The following NRXN3 variants were observed in gnomAD, a reference collection of about 807,000 sequenced individuals.
NRXN3 encodes neurexin 3, also known as neurexin III.
A neutral mutation model predicts 137.6 loss-of-function variants in NRXN3; 32 were observed. The observed-to-expected ratio is 0.23, with a 90% CI of 0.18 to 0.31. The LOEUF is 0.31. Among genes scored for constraint, NRXN3 ranks in the 10% least tolerant of loss-of-function variants. NRXN3 has a pLI of 1.00. For synonymous variants in NRXN3, 798 were observed against 784.5 expected, an observed-to-expected ratio of 1.02 and a Z score of -0.29; for missense variants, 1,574 against 2,062.5, an observed-to-expected ratio of 0.76 and a Z score of 4.59.
At chr14:79,837,091 G>A (rs1293633667) in intron 20 of NRXN3, among the ~76,000 whole-genome samples, 6 of 152,202 alleles carry the variant, frequency 3.9e-5, no homozygotes, top group East Asian at 1.9e-4. Flanking sequence ...CAAGCTAGGG[G>A]TGTTGTAAAG....
At chr14:78,582,783 A>G (rs1005430066) in intron 4 of NRXN3, among the ~76,000 whole-genome samples, 3 of 152,232 alleles carry the variant, frequency 2.0e-5, no homozygotes, top group East Asian at 1.9e-4. Context: ...GACTAAGACA[A>G]TAACCCATCC....
chr14:78,722,256 AGCT>A (rs2098463629), intron 8 of NRXN3, among the ~76,000 whole-genome samples: 1 of 152,168 alleles, frequency 6.6e-6, no homozygotes, highest in Non-Finnish European at 1.5e-5. Context: ...AGTGTGTGAC[AGCT>A]GCTTATGAAC....
At chr14:78,790,318 C>T (rs1286111811) in intron 8 of NRXN3, among the ~76,000 whole-genome samples, 1 of 152,026 alleles carries the variant, frequency 6.6e-6, no homozygotes, top group Non-Finnish European at 1.5e-5. Context: ...TGTTGTCATC[C>T]CTTTAGAGTG....
rs951554870 is a variant in NRXN3, at chr14:79,867,912, A to G, written c.*5948A>G. On this transcript the variant is annotated 3_prime_UTR_variant, in exon 21 of 21. Coordinates refer to ENST00000335750, the MANE Select transcript of NRXN3 (RefSeq NM_001330195.2). ...ACAGCTAAAAGCAATGCATGCTCAG[A>G]TCTTGGGAGATGTATTAAATGAGTA... 11 of 151,984 alleles carry G rather than the reference A, an allele frequency of 7.2e-5. No individual in the cohort carries two copies. The highest frequency in any genetic ancestry group is 2.4e-4 in the African/African-American group (10 of 41,374). 9.4% of individuals were successfully genotyped at this position (151,984 alleles called of 1,614,324 possible).
chr14:79,519,532 T>C (rs558012000), intron 16 of NRXN3, among the ~76,000 whole-genome samples: 12 of 152,186 alleles, frequency 7.9e-5, no homozygotes, highest in African/African-American at 2.2e-4. Flanking sequence ...AATATAAATA[T>C]GTAAGACCAA....
chr14:78,559,857 G>A (rs1287883777), intron 4 of NRXN3, among the ~76,000 whole-genome samples: 1 of 152,218 alleles, frequency 6.6e-6, no homozygotes, highest in Non-Finnish European at 1.5e-5. Context: ...AGCCCTCCTT[G>A]CAATTGGTTT....
chr14:79,126,215 T>C (rs2152938650), intron 15 of NRXN3, among the ~76,000 whole-genome samples: 1 of 152,280 alleles, frequency 6.6e-6, no homozygotes, highest in Non-Finnish European at 1.5e-5. Context: ...AGGGTACATG[T>C]GCACAATGTG....
intron 8 of NRXN3, among the ~76,000 whole-genome samples, chr14:78,764,958 A>G (rs928253371): frequency 2.6e-5 from 4 of 152,180 alleles, no homozygotes; most frequent in African/African-American, 9.7e-5. Flanking sequence ...CATAAATCTT[A>G]TGTAAAGGGA....
intron 4 of NRXN3, among the ~76,000 whole-genome samples, chr14:78,500,747 A>G (rs569119195): frequency 6.6e-6 from 1 of 152,124 alleles, no homozygotes; most frequent in African/African-American, 2.4e-5. Context: ...TTTCATTCCT[A>G]TGTTTCTACT....
At chr14:79,145,053 T>C (rs1337206130) in intron 15 of NRXN3, among the ~76,000 whole-genome samples, 2 of 152,164 alleles carry the variant, frequency 1.3e-5, no homozygotes, top group Non-Finnish European at 2.9e-5. Context: ...TGCAATTTCC[T>C]GTGTGGGAGA....
intron 10 of NRXN3, among the ~76,000 whole-genome samples, chr14:78,874,415 G>T (rs142409879): frequency 3.0e-4 from 45 of 152,268 alleles, no homozygotes; most frequent in Non-Finnish European, 2.6e-4. Context: ...GGGCTTCTGA[G>T]ATGCTAATCA....
intron 16 of NRXN3, among the ~76,000 whole-genome samples, chr14:79,652,314 AAG>A (rs146181915): frequency 0.08 from 12,157 of 152,140 alleles, 1,642 homozygotes; most frequent in African/African-American, 0.28. Flanking sequence ...ACTCATAAAG[AAG>A]AGAGAGAAGA....
At chr14:78,336,051 A>C (rs1043271411) in intron 4 of NRXN3, among the ~76,000 whole-genome samples, 1 of 152,176 alleles carries the variant, frequency 6.6e-6, no homozygotes, top group African/African-American at 2.4e-5. Context: ...ATCACTGGAG[A>C]AGCAAGTTAA....
intron 15 of NRXN3, among the ~76,000 whole-genome samples, chr14:79,303,173 A>C (rs2085436426): frequency 6.6e-6 from 1 of 152,032 alleles, no homozygotes. Context: ...GCTTTAGGGA[A>C]TGCCCTTTAC....
At chr14:79,820,162 T>C (rs2099267112) in intron 20 of NRXN3, among the ~76,000 whole-genome samples, 1 of 152,176 alleles carries the variant, frequency 6.6e-6, no homozygotes. Context: ...CCCTGTACTC[T>C]TTGATTTGTA....
chr14:78,933,352 T>G (rs1411560277), intron 10 of NRXN3, among the ~76,000 whole-genome samples: 1 of 152,222 alleles, frequency 6.6e-6, no homozygotes, highest in Non-Finnish European at 1.5e-5. Context: ...ACATAGCAAT[T>G]TGGCAATTCT....
chr14:79,154,934 A>T (rs764646372), intron 15 of NRXN3, among the ~76,000 whole-genome samples: 1 of 151,930 alleles, frequency 6.6e-6, no homozygotes, highest in Non-Finnish European at 1.5e-5. Flanking sequence ...GGAGAATCTT[A>T]AACTTCTGAA....
chr14:78,583,069 G>C (rs1425694268), intron 4 of NRXN3, among the ~76,000 whole-genome samples: 1 of 152,068 alleles, frequency 6.6e-6, no homozygotes, highest in East Asian at 1.9e-4. Flanking sequence ...GGGCCTCTGG[G>C]ATACTAACAT....
At chr14:78,734,731 T>C (rs1231353673) in intron 8 of NRXN3, among the ~76,000 whole-genome samples, 2 of 152,132 alleles carry the variant, frequency 1.3e-5, no homozygotes, top group African/African-American at 2.4e-5. Flanking sequence ...GATGCAGTCT[T>C]CTAGGCAGAA....
Sources: gnomAD v4.1 joint callset for allele counts (sites outside exome capture counted in the v4.1 genomes callset) on GRCh38, gnomAD v4.1.1 for gene constraint, MANE v1.5 for transcripts, NCBI Gene and HGNC (gene_info 2026-07-23, HGNC 2026-07-21) for gene names.